The following GNS variants were observed in gnomAD, a reference collection of about 807,000 sequenced individuals.
GNS encodes the protein N-acetylglucosamine-6-sulfatase.
A neutral mutation model predicts 69.7 loss-of-function variants in GNS; 40 were observed. The observed-to-expected ratio is 0.57, with a 90% confidence interval of 0.45 to 0.75. GNS has a LOEUF of 0.75. GNS is among the 30% of genes least tolerant of loss of function. The probability of loss-of-function intolerance (pLI) is 0.00; values close to 1 mark genes in which losing one functional copy is unlikely to be tolerated. For synonymous variants in GNS, 243 were observed against 251.6 expected (o/e 0.97, Z 0.32); for missense variants, 565 against 685.5 (o/e 0.82, Z 1.96).
chr12:64,758,966 C>T (rs1175825199), intron 1 of GNS, 119 bp downstream of exon 1: 4 of 880,954 alleles, frequency 4.5e-6, no homozygotes, highest in African/African-American at 3.3e-5. Flanking sequence ...GAAAACCAAA[C>T]CTACCCAAGG....
intron 10 of GNS, among the ~76,000 whole-genome samples, chr12:64,724,775 TG>T (rs1418165378): frequency 6.6e-6 from 1 of 152,056 alleles, no homozygotes; most frequent in Non-Finnish European, 1.5e-5. Context: ...GCAGGATAAT[TG>T]CTTGAACCCG....
chr12:64,739,140 A>C (rs1288984647), intron 8 of GNS, among the ~76,000 whole-genome samples: 1 of 152,126 alleles, frequency 6.6e-6, no homozygotes, highest in African/African-American at 2.4e-5. Context: ...CATCAAGCTC[A>C]TGCTCTGCTC....
chr12:64,725,936 C>A (rs924565647), intron 10 of GNS, among the ~76,000 whole-genome samples: 1 of 127,634 alleles, frequency 7.8e-6, no homozygotes, highest in Non-Finnish European at 1.5e-5. Context: ...GCGGAGCTTG[C>A]AGTGAGCTGA....
intron 2 of GNS, among the ~76,000 whole-genome samples, chr12:64,749,141 G>A (rs1245341339): frequency 3.3e-5 from 5 of 150,780 alleles, no homozygotes; most frequent in South Asian, 2.1e-4. Flanking sequence ...GGGTTTCACC[G>A]TGTTAGCCAG....
intron 3 of GNS, among the ~76,000 whole-genome samples, 186 bp downstream of exon 3, chr12:64,747,526 A>G (rs181228434): frequency 2.0e-5 from 3 of 152,344 alleles, no homozygotes; most frequent in Admixed American, 2.0e-4. Context: ...CAAATCATGT[A>G]AATATGTACA....
chr12:64,716,574 A>G lies in GNS; in HGVS notation c.*167T>C. 5 of 679,786 alleles carry G rather than the reference A, an allele frequency of 7.4e-6. No homozygotes were observed. The South Asian group carries it at 7.6e-5, about 10-fold the overall frequency. 42.1% of individuals were successfully genotyped at this position (679,786 alleles called of 1,614,324 possible). ...ATGGGCAGAGTTCACAGTTTAACAC[A>G]TTGCACGAGGAAGTCAGCTGACTGG... On this transcript the variant is annotated 3_prime_UTR_variant, in exon 14 of 14. Transcript: ENST00000258145.
intron 9 of GNS, among the ~76,000 whole-genome samples, chr12:64,733,103 C>T (rs866450167): frequency 2.0e-5 from 3 of 151,160 alleles, no homozygotes; most frequent in Non-Finnish European, 2.9e-5. Flanking sequence ...AATGAAACCC[C>T]GTCTCTACAA....
chr12:64,759,265 C>A lies in GNS; in HGVS notation c.12G>T (p.Leu4=). The A allele has an allele frequency of 6.5e-7, 1 of 1,527,752 alleles. No homozygotes were observed. The allele number at this position is 1,527,752 out of a possible 1,614,324, so 94.6% of individuals were successfully genotyped here. The change falls in exon 1 of 14, where the codon CTG becomes CTT. Residue 4 remains leucine, a synonymous_variant. Coordinates refer to ENST00000258145, the MANE Select transcript of GNS (RefSeq NM_002076.4). MRL[L]PLAPGRLRRG... ...GCCGGAGCCGACCTGGGGCTAGAGG[C>A]AGGAGCCGCATAGCGGACAGGCTCC... is the stretch of plus-strand genomic sequence containing the variant.
Position 64,745,680 on chromosome 12 carries a change from A to G in GNS, c.504T>C (p.Gly168=). ...TCACCAAGGCATACCAGTAACTCCA[A>G]CCCAGAGGAACGTGTTCTAGTCCAC... ...DAGGLEHVPL[G]WSYWYALEKN... Residue 168 remains glycine, a synonymous_variant, in exon 4 of 14, where the codon GGT becomes GGC. Coordinates refer to ENST00000258145, the MANE Select transcript of GNS (RefSeq NM_002076.4). 1.2e-6 allele frequency: 2 copies of G among 1,607,192 alleles called. No individual in the cohort carries two copies. The highest frequency in any genetic ancestry group is 1.7e-5 in the Admixed American group (1 of 60,004).
chr12:64,721,632 A>G lies in GNS; in HGVS notation c.1382T>C (p.Leu461Ser). 1.3e-6 allele frequency: 2 copies of G among 1,596,522 alleles called. No individual in the cohort carries two copies. Among genetic ancestry groups the G allele is most frequent in the East Asian group, 4.5e-5 (2 of 44,790 alleles). The change falls in exon 12 of 14, where the codon TTG becomes TCG. Residue 461 changes from leucine to serine, a missense_variant. By Grantham distance (145) the Leu-to-Ser change is moderately radical. Coordinates refer to ENST00000258145, the MANE Select transcript of GNS (RefSeq NM_002076.4). The part of the protein sequence containing the change: ...TYACVRTMSA[L>S]WNLQYCEFDD... ...AAACTCGCAATACTGCAAATTCCAC[A>G]ATGCTGACATTGTCCTCACACAGGC...
intron 6 of GNS, among the ~76,000 whole-genome samples, chr12:64,741,967 T>G (rs1869751046): frequency 6.6e-6 from 1 of 152,154 alleles, no homozygotes; most frequent in Non-Finnish European, 1.5e-5. Flanking sequence ...AATCGTCCTA[T>G]TTTACTATTT....
At chr12:64,745,590 A>G in intron 4 of GNS, 69 bp downstream of exon 4, 1 of 901,486 alleles carries the variant, frequency 1.1e-6, no homozygotes, top group South Asian at 1.3e-5. Context: ...TCAATATCAG[A>G]GCTAAATTAA....
At chr12:64,717,833 C>A (rs954447089) in intron 13 of GNS, among the ~76,000 whole-genome samples, 1 of 152,172 alleles carries the variant, frequency 6.6e-6, no homozygotes, top group Non-Finnish European at 1.5e-5. Flanking sequence ...CATCTTCCAA[C>A]TGATGGCAAC....
At chr12:64,733,336 G>C (rs1423210997) in intron 9 of GNS, among the ~76,000 whole-genome samples, 1 of 150,204 alleles carries the variant, frequency 6.7e-6, no homozygotes, top group Admixed American at 6.7e-5. Flanking sequence ...AAATTCCTGG[G>C]GCTTAAATCA....
chr12:64,745,366 C>G (rs1869868228), intron 4 of GNS, among the ~76,000 whole-genome samples: 1 of 151,690 alleles, frequency 6.6e-6, no homozygotes, highest in Non-Finnish European at 1.5e-5. Context: ...ACTACAGGCA[C>G]ACGCCACCAC....
At chr12:64,751,805 G>GTTTA (rs1870085046) in intron 2 of GNS, among the ~76,000 whole-genome samples, 1 of 151,954 alleles carries the variant, frequency 6.6e-6, no homozygotes. Flanking sequence ...TGGCTAACAT[G>GTTTA]GTGAAACCCC....
intron 2 of GNS, among the ~76,000 whole-genome samples, chr12:64,749,873 A>ATTTT (rs35784292): frequency 2.3e-5 from 3 of 127,810 alleles, no homozygotes; most frequent in Non-Finnish European, 4.9e-5. Context: ...TGGTAGAGCA[A>ATTTT]TTTTTTTTTT....
intron 1 of GNS, among the ~76,000 whole-genome samples, chr12:64,757,815 G>A (rs1055775160): frequency 2.6e-5 from 4 of 152,198 alleles, no homozygotes; most frequent in African/African-American, 9.7e-5. Context: ...ACTCACTCAA[G>A]GGTTGGGACC....
intron 1 of GNS, chr12:64,756,754 T>C (rs1870262916): frequency 1.0e-5 from 15 of 1,488,888 alleles, no homozygotes; most frequent in Non-Finnish European, 1.4e-5. Flanking sequence ...TAGAATATTC[T>C]GAAAAAGCCT....
Sources: allele counts gnomAD v4.1 joint callset (sites outside exome capture counted in the v4.1 genomes callset), GRCh38; gene constraint gnomAD v4.1.1; transcripts MANE v1.5; gene names NCBI Gene and HGNC (gene_info 2026-07-23, HGNC 2026-07-21).